Variants in ZNF148 observed in about 807,000 individuals in gnomAD.
The protein encoded by ZNF148 is zinc finger protein 148, also known as Beta-Enolase Repressor Factor-1.
In ZNF148, 7 loss-of-function variants were observed where a neutral mutation model predicts 67.7. That is an observed-to-expected ratio of 0.10 (90% CI 0.06 to 0.19). The LOEUF (loss-of-function observed/expected upper bound fraction) is 0.19, where lower values mean the gene tolerates loss of function less well. Among genes scored for constraint, ZNF148 ranks in the 10% least tolerant of loss-of-function variants. The probability of loss-of-function intolerance (pLI) is 1.00; values close to 1 mark genes in which losing one functional copy is unlikely to be tolerated. For synonymous variants in ZNF148, 333 were observed against 330.7 expected, an observed-to-expected ratio of 1.01 and a Z score of -0.08; for missense variants, 583 against 947.1, an observed-to-expected ratio of 0.62 and a Z score of 5.05.
At position 125,226,729 on chromosome 3, in the gene ZNF148, A is replaced by G. The variant is rs551815745; in HGVS notation, c.*5612T>C. 1.7e-5 allele frequency: 1 copy of G among 60,350 alleles called. No homozygotes were observed. The highest frequency in any genetic ancestry group is 3.9e-4 in the South Asian group (1 of 2,560). 3.7% of individuals were successfully genotyped at this position (60,350 alleles called of 1,614,324 possible). On this transcript the variant is annotated 3_prime_UTR_variant, in exon 9 of 9. Coordinates refer to ENST00000360647, the MANE Select transcript of ZNF148 (RefSeq NM_021964.3). ...ACAATGACAATTAAAACATATTTAA[A>G]GAAACAAAAAACCTCCCAATTGTTT...
At chr3:125,283,121 C>G (rs1403656854) in intron 5 of ZNF148, among the ~76,000 whole-genome samples, 1 of 152,086 alleles carries the variant, frequency 6.6e-6, no homozygotes, top group Non-Finnish European at 1.5e-5. Flanking sequence ...TCTCTTTACT[C>G]TCCAAATCCA....
At chr3:125,355,923 T>C (rs1279028827) in intron 1 of ZNF148, among the ~76,000 whole-genome samples, 1 of 152,002 alleles carries the variant, frequency 6.6e-6, no homozygotes, top group African/African-American at 2.4e-5. Context: ...GGTCCAAACG[T>C]TTTCAACAGA....
chr3:125,344,062 A>C (rs1941843971), intron 1 of ZNF148: 5 of 183,576 alleles, frequency 2.7e-5, no homozygotes, highest in Non-Finnish European at 5.7e-5. Flanking sequence ...AGTTCTGTTA[A>C]ATGCACGCAT....
rs1560098829 is a variant in ZNF148, at chr3:125,230,845, CAA to C, written c.*1494_*1495del. 6.6e-6 allele frequency: 1 copy of C among 152,016 alleles called. No individual in the cohort carries two copies. Among genetic ancestry groups the C allele is most frequent in the African/African-American group, 2.4e-5 (1 of 41,386 alleles). 9.4% of individuals were successfully genotyped at this position (152,016 alleles called of 1,614,324 possible). On this transcript the variant is annotated 3_prime_UTR_variant, in exon 9 of 9. Coordinates refer to ENST00000360647, the MANE Select transcript of ZNF148 (RefSeq NM_021964.3). Reference sequence around the variant, plus strand: ...AAATGTAAAAATGAAAAAGTTGTAACAAAGAGTCAATAACTAATATAACTTCC... The same window carrying C: ...AAATGTAAAAATGAAAAAGTTGTAACAGAGTCAATAACTAATATAACTTCC...
chr3:125,303,407 G>A (rs1823937), intron 4 of ZNF148, among the ~76,000 whole-genome samples: 14,854 of 152,230 alleles, frequency 0.098, 897 homozygotes, highest in Admixed American at 0.15. Flanking sequence ...GGAGGTGAGC[G>A]GCCAGTGAGC....
chr3:125,285,781 C>CATTCTCTT (rs1208505021), intron 5 of ZNF148, among the ~76,000 whole-genome samples: 4 of 152,164 alleles, frequency 2.6e-5, no homozygotes, highest in African/African-American at 7.2e-5. Flanking sequence ...TACCCTAAAA[C>CATTCTCTT]ATTCTCTTAT....
At chr3:125,329,286 A>C (rs1190357409) in intron 2 of ZNF148, among the ~76,000 whole-genome samples, 1 of 141,692 alleles carries the variant, frequency 7.1e-6, no homozygotes, top group Non-Finnish European at 1.5e-5. Flanking sequence ...TTATATGTAT[A>C]TGTATATATG....
intron 1 of ZNF148, among the ~76,000 whole-genome samples, chr3:125,336,560 A>G (rs1441944284): frequency 6.6e-6 from 1 of 152,026 alleles, no homozygotes; most frequent in East Asian, 1.9e-4. Flanking sequence ...AAGGAGTTAT[A>G]CTTTATATAT....
At chr3:125,238,758 A>C (rs1195118423) in intron 7 of ZNF148, among the ~76,000 whole-genome samples, 3 of 152,248 alleles carry the variant, frequency 2.0e-5, no homozygotes. Flanking sequence ...TTCCATTCCT[A>C]GGTACATATC....
rs551226587 is a variant in ZNF148 at position 125,254,900 on chromosome 3, GTTC to G, written c.668-20574_668-20572del. ...TTTCTGTTTGTCCCATCTGTTCTTTGTTCTTTTTATTTTTCTTTACTGCTTTAA... is the reference window on the plus strand; with the variant it reads ...TTTCTGTTTGTCCCATCTGTTCTTTGTTTTTATTTTTCTTTACTGCTTTAA... On this transcript the variant is annotated intron_variant, in intron 7 of 8. Coordinates refer to ENST00000360647, the MANE Select transcript of ZNF148 (RefSeq NM_021964.3). Among the ~76,000 whole-genome samples the G allele has an allele frequency of 1.7e-4, 26 of 151,760 alleles. No homozygotes were observed. The East Asian group carries it at 5.0e-3, about 29-fold the overall frequency.
intron 4 of ZNF148, among the ~76,000 whole-genome samples, chr3:125,306,012 T>C (rs1162715517): frequency 1.3e-5 from 2 of 152,116 alleles, no homozygotes; most frequent in African/African-American, 4.8e-5. Flanking sequence ...CCACACTTAC[T>C]AGATATTAAT....
At chr3:125,309,263 CA>C (rs949493081) in intron 4 of ZNF148, among the ~76,000 whole-genome samples, 3 of 151,694 alleles carry the variant, frequency 2.0e-5, no homozygotes, top group Non-Finnish European at 4.4e-5. Flanking sequence ...TATTTTCACT[CA>C]AAAAAAATCT....
In ZNF148 at chr3:125,229,773, T is replaced by C. The variant is rs1935778355; in HGVS notation, c.*2568A>G. 1 of 152,196 alleles carries C rather than the reference T, an allele frequency of 6.6e-6. No individual in the cohort carries two copies. Among genetic ancestry groups the C allele is most frequent in the South Asian group, 2.1e-4 (1 of 4,832 alleles). 9.4% of individuals were successfully genotyped at this position (152,196 alleles called of 1,614,324 possible). A position where few individuals can be genotyped will look rare whatever the true frequency, so the allele number is the denominator to read the frequency against. ...CACACAAGGCTACTTATTTTCTCCA[T>C]TAATGCCCAGATAGAAATTAAATAA... On this transcript the variant is annotated 3_prime_UTR_variant, in exon 9 of 9. Coordinates refer to ENST00000360647, the MANE Select transcript of ZNF148 (RefSeq NM_021964.3).
At chr3:125,350,639 A>C (rs1942112253) in intron 1 of ZNF148, among the ~76,000 whole-genome samples, 1 of 152,216 alleles carries the variant, frequency 6.6e-6, no homozygotes, top group South Asian at 2.1e-4. Context: ...GGAGCATGTA[A>C]AACAGATTCC....
At chr3:125,259,719 T>A (rs1359350880) in intron 7 of ZNF148, among the ~76,000 whole-genome samples, 1 of 152,202 alleles carries the variant, frequency 6.6e-6, no homozygotes, top group African/African-American at 2.4e-5. Flanking sequence ...CTCAGCACTT[T>A]GGGAGGCTGA....
chr3:125,333,741 G>C (rs1266389548), intron 1 of ZNF148, among the ~76,000 whole-genome samples: 2 of 152,042 alleles, frequency 1.3e-5, no homozygotes, highest in Admixed American at 6.6e-5. Context: ...ATAAACACTT[G>C]GGCAGATATA....
At chr3:125,250,814 A>G (rs954684180) in intron 7 of ZNF148, among the ~76,000 whole-genome samples, 1 of 152,150 alleles carries the variant, frequency 6.6e-6, no homozygotes, top group Admixed American at 6.5e-5. Context: ...TTTATTCTCT[A>G]TATTTCCTTT....
chr3:125,369,477 C>G (rs1257763882), intron 1 of ZNF148, among the ~76,000 whole-genome samples: 1 of 149,742 alleles, frequency 6.7e-6, no homozygotes, highest in East Asian at 1.9e-4. Flanking sequence ...TTATAGACCC[C>G]TTCCCCCAAC....
At chr3:125,262,142 G>A (rs376405917) in intron 7 of ZNF148, among the ~76,000 whole-genome samples, 1 of 152,116 alleles carries the variant, frequency 6.6e-6, no homozygotes, top group African/African-American at 2.4e-5. Context: ...CTTTGAAACC[G>A]TCTTGTCACA....
Sources: gnomAD v4.1 joint callset for allele counts (sites outside exome capture counted in the v4.1 genomes callset) on GRCh38, gnomAD v4.1.1 for gene constraint, MANE v1.5 for transcripts, NCBI Gene and HGNC (gene_info 2026-07-23, HGNC 2026-07-21) for gene names.